AK4: variants seen among roughly 807,000 people sequenced by gnomAD.
AK4 encodes adenylate kinase 4, also known as adenylate kinase 4, mitochondrial.
AK4 carries 13 observed loss-of-function variants against 24.6 expected under a neutral mutation model. The observed-to-expected ratio is 0.53, with a 90% CI of 0.34 to 0.84. The LOEUF is 0.84. Among genes scored for constraint, AK4 ranks in the 40% least tolerant of loss-of-function variants. AK4 has a pLI of 0.01. For missense variants in AK4, 192 were observed against 288.2 expected, an observed-to-expected ratio of 0.67 and a Z score of 2.42; for synonymous variants, 88 against 107.0, an observed-to-expected ratio of 0.82 and a Z score of 1.10.
intron 1 of AK4, among the ~76,000 whole-genome samples, chr1:65,165,264 T>TA (rs570736234): frequency 2.0e-5 from 3 of 152,126 alleles, no homozygotes; most frequent in Non-Finnish European, 4.4e-5. Context: ...ACAAAAGAGT[T>TA]AGAGGGCTTT....
intron 1 of AK4, among the ~76,000 whole-genome samples, chr1:65,170,475 G>A (rs984101436): frequency 6.6e-6 from 1 of 152,216 alleles, no homozygotes; most frequent in Non-Finnish European, 1.5e-5. Flanking sequence ...TTCAAACACT[G>A]CTGGAGCTCA....
At chr1:65,187,525 A>T (rs1157928993) in intron 1 of AK4, among the ~76,000 whole-genome samples, 1 of 152,130 alleles carries the variant, frequency 6.6e-6, no homozygotes, top group Non-Finnish European at 1.5e-5. Flanking sequence ...GTTGTACAAC[A>T]TTGAGACTAT....
chr1:65,171,021 G>T (rs538096521), intron 1 of AK4, among the ~76,000 whole-genome samples: 1 of 143,798 alleles, frequency 7.0e-6, no homozygotes, highest in African/African-American at 2.6e-5. Flanking sequence ...GCAGTGGCAC[G>T]ATCATGGCTT....
chr1:65,212,081 G>A (rs866377151), intron 2 of AK4, among the ~76,000 whole-genome samples: 1 of 152,270 alleles, frequency 6.6e-6, no homozygotes, highest in African/African-American at 2.4e-5. Flanking sequence ...TGGCTGGCAC[G>A]GAGACGTGGA....
intron 1 of AK4, among the ~76,000 whole-genome samples, chr1:65,163,954 G>A (rs920084486): frequency 2.6e-5 from 4 of 152,136 alleles, no homozygotes; most frequent in African/African-American, 9.7e-5. Flanking sequence ...GGTGGTGTCA[G>A]CTGATCCAGT....
intron 2 of AK4, among the ~76,000 whole-genome samples, chr1:65,215,345 T>C (rs1652099882): frequency 6.6e-6 from 1 of 152,092 alleles, no homozygotes; most frequent in African/African-American, 2.4e-5. Flanking sequence ...CTAATTTTTA[T>C]ATTTTTAGTA....
intron 2 of AK4, among the ~76,000 whole-genome samples, chr1:65,205,358 C>T (rs1415634322): frequency 6.6e-6 from 1 of 152,154 alleles, no homozygotes; most frequent in Non-Finnish European, 1.5e-5. Flanking sequence ...CCTCAGCCTC[C>T]CAAGTAGCTA....
chr1:65,198,837 G>A (rs1037235435), intron 2 of AK4, among the ~76,000 whole-genome samples: 2 of 152,020 alleles, frequency 1.3e-5, no homozygotes, highest in African/African-American at 4.8e-5. Context: ...AGCAGTTTGG[G>A]AGACAGAGGC....
rs1355642694 is a variant in AK4, at chr1:65,206,003, C to T, written c.266-12751C>T. ...CGGCAGTGCCCTGTCTCCAGATATC[C>T]GTGTGGATCGCTGGATACAGATCCC... On this transcript the variant is annotated intron_variant, in intron 2 of 4. Transcript: ENST00000327299. Among the ~76,000 whole-genome samples the T allele has an allele frequency of 8.5e-5, 13 of 152,212 alleles. No individual in the cohort carries two copies. The East Asian group carries it at 1.2e-3, about 14-fold the overall frequency.
intron 1 of AK4, among the ~76,000 whole-genome samples, chr1:65,170,954 CTTTTTTTTTT>C (rs36098576): frequency 9.2e-6 from 1 of 109,034 alleles, no homozygotes; most frequent in Non-Finnish European, 1.7e-5. Context: ...TGTCTTCTTC[CTTTTTTTTTT>C]TTTTTTTTTT....
chr1:65,202,866 CTTTTTTTTTT>C (rs34143736), intron 2 of AK4, among the ~76,000 whole-genome samples: 2 of 91,814 alleles, frequency 2.2e-5, no homozygotes, highest in Admixed American at 1.6e-4. Flanking sequence ...GCTGTGTAGT[CTTTTTTTTTT>C]TTTTTTTTTT....
At chr1:65,188,055 G>A (rs531814614) in intron 1 of AK4, among the ~76,000 whole-genome samples, 11 of 152,112 alleles carry the variant, frequency 7.2e-5, no homozygotes, top group Non-Finnish European at 1.6e-4. Context: ...GGGGTTGGGG[G>A]TACAGACTCA....
rs960342377 is a variant in AK4, at chr1:65,226,990, T to G, written c.*813T>G. The G allele has an allele frequency of 7.2e-6, 1 of 139,618 alleles. No individual in the cohort carries two copies. Among genetic ancestry groups the G allele is most frequent in the African/African-American group, 2.8e-5 (1 of 35,928 alleles). 8.6% of individuals were successfully genotyped at this position (139,618 alleles called of 1,614,324 possible). On this transcript the variant is annotated 3_prime_UTR_variant, in exon 5 of 5. Transcript: ENST00000327299. ...AAACTGCTGGTCTGACTTTATGGAT[T>G]GACACTGTTCCTTTCTTTTATTGTG...
At chr1:65,180,317 A>G (rs1291970537) in intron 1 of AK4, among the ~76,000 whole-genome samples, 1 of 152,146 alleles carries the variant, frequency 6.6e-6, no homozygotes, top group Non-Finnish European at 1.5e-5. Flanking sequence ...GCATGGTGGC[A>G]TGCACCTGTG....
intron 2 of AK4, among the ~76,000 whole-genome samples, chr1:65,199,948 CATG>C (rs1651612096): frequency 6.6e-6 from 1 of 152,092 alleles, no homozygotes; most frequent in Non-Finnish European, 1.5e-5. Flanking sequence ...TACTTTCTAA[CATG>C]ATAAGTATTT....
intron 3 of AK4, among the ~76,000 whole-genome samples, chr1:65,220,247 C>T (rs1229264691): frequency 6.6e-6 from 1 of 152,142 alleles, no homozygotes; most frequent in Non-Finnish European, 1.5e-5. Context: ...TGGGTAAAGA[C>T]CAAGGAGTGT....
intron 1 of AK4, among the ~76,000 whole-genome samples, chr1:65,188,376 C>CAG (rs34985293): frequency 0.42 from 64,424 of 151,636 alleles, 14,899 homozygotes; most frequent in East Asian, 0.67. Flanking sequence ...GCCTGGGTGA[C>CAG]AGTGAGACTC....
rs537128936 is a variant in AK4 at position 65,227,378 on chromosome 1, T to A, written c.*1201T>A. On this transcript the variant is annotated 3_prime_UTR_variant, in exon 5 of 5. Coordinates refer to ENST00000327299, the MANE Select transcript of AK4 (RefSeq NM_013410.4). The stretch of plus-strand genomic sequence containing the variant: ...AGCTTTATGATTATGAGAAAACAAA[T>A]TCTTTATTTTTTTTTTCTGTTCCAA... 2.0e-5 allele frequency: 3 copies of A among 152,538 alleles called. No individual in the cohort carries two copies. The East Asian group carries it at 5.8e-4, about 30-fold the overall frequency. The allele number at this position is 152,538 out of a possible 1,614,324, so 9.4% of individuals were successfully genotyped here.
At chr1:65,203,999 A>G (rs186802954) in intron 2 of AK4, among the ~76,000 whole-genome samples, 2 of 152,268 alleles carry the variant, frequency 1.3e-5, no homozygotes, top group Non-Finnish European at 2.9e-5. Flanking sequence ...TTTCTGTAAT[A>G]CATGATCACT....
Sources: gnomAD v4.1 joint callset for allele counts (sites outside exome capture counted in the v4.1 genomes callset) on GRCh38, gnomAD v4.1.1 for gene constraint, MANE v1.5 for transcripts, NCBI Gene and HGNC (gene_info 2026-07-23, HGNC 2026-07-21) for gene names.